Variants in PPA2 observed in about 807,000 individuals in gnomAD.
PPA2 encodes inorganic pyrophosphatase 2.
A neutral mutation model predicts 49.5 loss-of-function variants in PPA2; 48 were observed. The ratio of observed to expected loss-of-function variants is 0.97; its 90% CI spans 0.77 to 1.23. PPA2 has a LOEUF of 1.23. Ranked by LOEUF, PPA2 falls within the 50% of genes most tolerant of loss-of-function variation. The pLI is 0.00. For synonymous variants in PPA2, 131 were observed against 139.9 expected (o/e 0.94, Z 0.45); for missense variants, 429 against 410.1 (o/e 1.05, Z -0.40).
chr4:105,384,098 T>C (rs1733595125), intron 10 of PPA2, among the ~76,000 whole-genome samples: 1 of 152,186 alleles, frequency 6.6e-6, no homozygotes, highest in African/African-American at 2.4e-5. Flanking sequence ...AGAAAGGTGT[T>C]AACTAATCTG....
chr4:105,441,625 ATATAAG>A (rs1724364505), intron 5 of PPA2, among the ~76,000 whole-genome samples: 1 of 152,186 alleles, frequency 6.6e-6, no homozygotes. Flanking sequence ...ACTAACAGGT[ATATAAG>A]TATATTTACT....
At chr4:105,436,156 A>G (rs571658899) in intron 6 of PPA2, among the ~76,000 whole-genome samples, 43 of 152,176 alleles carry the variant, frequency 2.8e-4, no homozygotes, top group African/African-American at 9.1e-4. Flanking sequence ...ATTTCTACAT[A>G]CCAATAATGT....
At chr4:105,473,578 G>C (rs763536004) in intron 1 of PPA2, 1 of 573,078 alleles carries the variant, frequency 1.7e-6, no homozygotes, top group Admixed American at 2.2e-5. Context: ...GGCCGCCGCG[G>C]GGTGGCCGCT....
chr4:105,437,334 G>A (rs1724109726), intron 6 of PPA2, among the ~76,000 whole-genome samples: 1 of 152,120 alleles, frequency 6.6e-6, no homozygotes, highest in Admixed American at 6.6e-5. Flanking sequence ...TGTCTGCAGA[G>A]AACAAGAAAT....
intron 11 of PPA2, among the ~76,000 whole-genome samples, chr4:105,370,327 G>A (rs1257231144): frequency 6.6e-6 from 1 of 151,948 alleles, no homozygotes; most frequent in Non-Finnish European, 1.5e-5. Flanking sequence ...GCAATATTTT[G>A]AAAGACAAAT....
chr4:105,375,286 G>C (rs1045611490), intron 10 of PPA2, among the ~76,000 whole-genome samples: 9 of 151,160 alleles, frequency 6.0e-5, no homozygotes, highest in Non-Finnish European at 1.3e-4. Flanking sequence ...GCTGTTAAGG[G>C]GCAAAAAGAG....
chr4:105,434,325 T>C (rs1482753757), intron 6 of PPA2, among the ~76,000 whole-genome samples: 1 of 152,222 alleles, frequency 6.6e-6, no homozygotes, highest in African/African-American at 2.4e-5. Context: ...TTTGAAGTTA[T>C]CACATAATTG....
intron 5 of PPA2, among the ~76,000 whole-genome samples, chr4:105,443,860 A>G (rs956182539): frequency 6.6e-6 from 1 of 152,080 alleles, no homozygotes; most frequent in African/African-American, 2.4e-5. Flanking sequence ...CTTCCTCTAG[A>G]TGTCCACACT....
intron 1 of PPA2, among the ~76,000 whole-genome samples, chr4:105,472,075 G>T (rs1292571379): frequency 1.3e-5 from 2 of 152,194 alleles, no homozygotes; most frequent in Non-Finnish European, 2.9e-5. Flanking sequence ...AACAGAGACT[G>T]TTAGAATCTC....
chr4:105,455,316 G>A (rs1048687239), intron 2 of PPA2, among the ~76,000 whole-genome samples: 2 of 152,126 alleles, frequency 1.3e-5, no homozygotes, highest in South Asian at 2.1e-4. Context: ...ATATACACAC[G>A]CACTTTCACA....
intron 5 of PPA2, among the ~76,000 whole-genome samples, chr4:105,439,332 A>G (rs1175653818): frequency 6.6e-6 from 1 of 152,202 alleles, no homozygotes. Context: ...AAATTATGAT[A>G]ACAATTGAAT....
chr4:105,370,952 G>A lies in PPA2; in HGVS notation c.940-79C>T, dbSNP rs72665979. 160,505 of 1,314,414 alleles carry A rather than the reference G, an allele frequency of 0.12. 10,390 individuals are homozygous for A. The highest frequency in any genetic ancestry group is 0.15 in the African/African-American group (9,741 of 65,024). 81.4% of individuals were successfully genotyped at this position (1,314,414 alleles called of 1,614,324 possible). A position where few individuals can be genotyped will look rare whatever the true frequency, so the allele number is the denominator to read the frequency against. Reference sequence around the variant, plus strand: ...AAAGCGCATCCAGAAGTTTTTTCACGAAATTATAGAAGAAAGTTTACACAC... The same window carrying A: ...AAAGCGCATCCAGAAGTTTTTTCACAAAATTATAGAAGAAAGTTTACACAC... On this transcript the variant is annotated intron_variant, in intron 10 of 11. Transcript: ENST00000341695.
intron 7 of PPA2, among the ~76,000 whole-genome samples, chr4:105,418,659 T>A (rs958092688): frequency 2.6e-5 from 4 of 152,246 alleles, no homozygotes; most frequent in Non-Finnish European, 4.4e-5. Flanking sequence ...TTTCATTTTT[T>A]AAAACTATAA....
intron 10 of PPA2, 115 bp from the exon 11 acceptor site, chr4:105,370,988 T>G: frequency 6.4e-5 from 63 of 981,766 alleles, no homozygotes; most frequent in Non-Finnish European, 7.9e-5. Context: ...AATGGATCTC[T>G]AACCTGAAAA....
chr4:105,450,764 C>A (rs1385607924), intron 3 of PPA2, among the ~76,000 whole-genome samples: 2 of 152,086 alleles, frequency 1.3e-5, no homozygotes, highest in Non-Finnish European at 2.9e-5. Context: ...CCCGCCACCA[C>A]TTCCGGCTAA....
chr4:105,386,245 A>C (rs1733677372), intron 10 of PPA2, among the ~76,000 whole-genome samples: 1 of 152,148 alleles, frequency 6.6e-6, no homozygotes, highest in Admixed American at 6.5e-5. Flanking sequence ...CGGACAGAGG[A>C]TAATTCATGG....
intron 7 of PPA2, among the ~76,000 whole-genome samples, chr4:105,412,867 G>A (rs935445882): frequency 6.6e-5 from 10 of 152,214 alleles, no homozygotes; most frequent in African/African-American, 2.4e-4. Context: ...AAACAGGAAT[G>A]CTTTTACACT....
intron 7 of PPA2, among the ~76,000 whole-genome samples, chr4:105,408,736 ATAAGT>A (rs1282927465): frequency 1.3e-5 from 2 of 152,268 alleles, no homozygotes; most frequent in African/African-American, 4.8e-5. Context: ...TCCCTTTAAA[ATAAGT>A]TAAAACACAC....
At chr4:105,451,731 T>C (rs1032997615) in intron 3 of PPA2, among the ~76,000 whole-genome samples, 3 of 152,204 alleles carry the variant, frequency 2.0e-5, no homozygotes, top group Non-Finnish European at 2.9e-5. Context: ...TCACAGATAC[T>C]TGAATTAGGC....
Sources: allele counts gnomAD v4.1 joint callset (sites outside exome capture counted in the v4.1 genomes callset), GRCh38; gene constraint gnomAD v4.1.1; transcripts MANE v1.5; gene names NCBI Gene and HGNC (gene_info 2026-07-23, HGNC 2026-07-21).